The following PAQR5 variants were observed in gnomAD, a reference collection of about 807,000 sequenced individuals.
PAQR5 encodes membrane progestin receptor gamma.
Under a neutral mutation model 34.5 loss-of-function variants are expected in PAQR5, and 20 were observed. The observed-to-expected ratio is 0.58, with a 90% CI of 0.41 to 0.84. The LOEUF is 0.84. Among genes scored for constraint, PAQR5 ranks in the 40% least tolerant of loss-of-function variants. The pLI is 0.00. For synonymous variants in PAQR5, 131 were observed against 155.6 expected, an observed-to-expected ratio of 0.84 and a Z score of 1.18; for missense variants, 378 against 412.7, an observed-to-expected ratio of 0.92 and a Z score of 0.73.
intron 5 of PAQR5, 72 bp downstream of exon 5, chr15:69,384,954 G>A (rs2056067377): frequency 3.5e-6 from 4 of 1,136,836 alleles, no homozygotes; most frequent in Non-Finnish European, 5.2e-6. Context: ...GTGAGCTAGG[G>A]TCACCAGAAG....
At chr15:69,310,493 T>C (rs1217104937) in intron 1 of PAQR5, among the ~76,000 whole-genome samples, 4 of 152,208 alleles carry the variant, frequency 2.6e-5, no homozygotes, top group Non-Finnish European at 5.9e-5. Context: ...TGAATAAAGT[T>C]AAATATATTA....
intron 1 of PAQR5, among the ~76,000 whole-genome samples, chr15:69,329,059 C>A (rs1453220756): frequency 6.6e-6 from 1 of 152,262 alleles, no homozygotes; most frequent in African/African-American, 2.4e-5. Context: ...GGGATTCCGT[C>A]TGGACGCCAG....
chr15:69,378,954 T>G (rs2055800594), intron 3 of PAQR5, among the ~76,000 whole-genome samples: 1 of 152,126 alleles, frequency 6.6e-6, no homozygotes, highest in Admixed American at 6.5e-5. Flanking sequence ...AGTGTCAAAA[T>G]TGAGAACCCT....
chr15:69,315,437 C>T (rs919690695), intron 1 of PAQR5, among the ~76,000 whole-genome samples: 2 of 152,204 alleles, frequency 1.3e-5, no homozygotes, highest in African/African-American at 4.8e-5. Context: ...TTCCAGCATC[C>T]TTGAAGACCC....
intron 1 of PAQR5, among the ~76,000 whole-genome samples, chr15:69,334,521 G>A (rs778084458): frequency 2.6e-5 from 4 of 152,162 alleles, no homozygotes; most frequent in Admixed American, 6.5e-5. Context: ...GGGACATGTG[G>A]AGAGCCATGC....
intron 3 of PAQR5, among the ~76,000 whole-genome samples, chr15:69,365,018 G>A (rs2055359046): frequency 6.6e-6 from 1 of 151,804 alleles, no homozygotes; most frequent in African/African-American, 2.4e-5. Flanking sequence ...TTACAGGCGT[G>A]AGCCACCGCA....
intron 5 of PAQR5, among the ~76,000 whole-genome samples, chr15:69,387,886 C>G (rs1345456689): frequency 8.0e-6 from 1 of 124,642 alleles, no homozygotes; most frequent in Non-Finnish European, 1.7e-5. Flanking sequence ...TGTGCCCTTC[C>G]TCCAACCCCC....
Position 69,352,618 on chromosome 15 carries a change from C to T in PAQR5, c.-115-7348C>T, listed in dbSNP as rs146085367. ...TGGATCTGCGTGATATGCAGGCTAC[C>T]TGAAAATGGACAGCTGCAGCGCTAT... On this transcript the variant is annotated intron_variant, in intron 2 of 8. Transcript: ENST00000395407. Among the ~76,000 whole-genome samples, 144 of 152,308 alleles carry T rather than the reference C, an allele frequency of 9.5e-4. 1 individual carries two copies. The highest frequency in any genetic ancestry group is 3.4e-3 in the Middle Eastern group (1 of 294).
intron 8 of PAQR5, among the ~76,000 whole-genome samples, chr15:69,401,681 C>T (rs965646020): frequency 2.0e-5 from 3 of 152,200 alleles, no homozygotes; most frequent in Non-Finnish European, 4.4e-5. Flanking sequence ...CTCTGGGGGA[C>T]ATTTCCTAGA....
At chr15:69,334,870 G>A (rs2054474553) in intron 1 of PAQR5, among the ~76,000 whole-genome samples, 1 of 152,164 alleles carries the variant, frequency 6.6e-6, no homozygotes, top group African/African-American at 2.4e-5. Flanking sequence ...AAGGGAAAGG[G>A]GTTTGTAAAG....
intron 3 of PAQR5, among the ~76,000 whole-genome samples, chr15:69,363,751 C>T (rs185630667): frequency 4.3e-4 from 66 of 152,096 alleles, no homozygotes; most frequent in Middle Eastern, 3.4e-3. Flanking sequence ...CAGGGTTTCA[C>T]CATGTTGGCC....
At chr15:69,314,587 T>G (rs746247054) in intron 1 of PAQR5, 7 of 152,254 alleles carry the variant, frequency 4.6e-5, no homozygotes, top group Non-Finnish European at 8.8e-5. Context: ...ACCCTCAGGA[T>G]TACCTTAAAG....
intron 1 of PAQR5, among the ~76,000 whole-genome samples, chr15:69,330,280 T>C (rs1308775710): frequency 1.3e-5 from 2 of 152,228 alleles, no homozygotes; most frequent in Non-Finnish European, 2.9e-5. Flanking sequence ...CCCCAAGCTG[T>C]CTTTGTTCAT....
chr15:69,305,094 G>A (rs533337289), intron 1 of PAQR5, among the ~76,000 whole-genome samples: 1 of 152,270 alleles, frequency 6.6e-6, no homozygotes, highest in East Asian at 1.9e-4. Flanking sequence ...TTTCGGTACC[G>A]GATAATTCTG....
chr15:69,328,817 G>A (rs1294280430), intron 1 of PAQR5, among the ~76,000 whole-genome samples: 4 of 152,218 alleles, frequency 2.6e-5, no homozygotes, highest in Non-Finnish European at 4.4e-5. Context: ...TGCCTTGGGT[G>A]CGGACTTTAC....
intron 1 of PAQR5, among the ~76,000 whole-genome samples, chr15:69,305,203 C>T (rs142982596): frequency 2.6e-5 from 4 of 152,222 alleles, no homozygotes; most frequent in Non-Finnish European, 5.9e-5. Context: ...CCATCACATC[C>T]CCTTCCCTTC....
At chr15:69,358,390 G>T (rs2055135269) in intron 2 of PAQR5, among the ~76,000 whole-genome samples, 7 of 152,138 alleles carry the variant, frequency 4.6e-5, no homozygotes, top group Admixed American at 3.3e-4. Flanking sequence ...CTTTCTGGAA[G>T]AGTTGAGTTG....
intron 3 of PAQR5, chr15:69,379,509 G>A (rs1390820996): frequency 2.0e-6 from 2 of 985,202 alleles, no homozygotes; most frequent in Non-Finnish European, 2.4e-6. Context: ...CAGACAGACA[G>A]CATCTGTGTC....
intron 1 of PAQR5, among the ~76,000 whole-genome samples, chr15:69,311,038 CAAAAAATAAAAAAAA>C (rs1351477052): frequency 8.3e-5 from 3 of 36,120 alleles, no homozygotes; most frequent in South Asian, 4.0e-3. Context: ...GACTCCGTCG[CAAAAAATAAAAAAAA>C]AAAAAAAAAA....
Sources: gnomAD v4.1 joint callset for allele counts (sites outside exome capture counted in the v4.1 genomes callset) on GRCh38, gnomAD v4.1.1 for gene constraint, MANE v1.5 for transcripts, NCBI Gene and HGNC (gene_info 2026-07-23, HGNC 2026-07-21) for gene names.